The following PFKM variants were observed in gnomAD, a reference collection of about 807,000 sequenced individuals.
The protein encoded by PFKM is ATP-dependent 6-phosphofructokinase, muscle type.
PFKM carries 58 observed loss-of-function variants against 95.5 expected under a neutral mutation model. The ratio of observed to expected loss-of-function variants is 0.61; its 90% CI spans 0.49 to 0.76. PFKM has a LOEUF of 0.76. PFKM is among the 30% of genes least tolerant of loss of function. PFKM has a pLI of 0.00. For missense variants in PFKM, 678 were observed against 1,005.4 expected (o/e 0.67, Z 4.40); for synonymous variants, 336 against 357.2 (o/e 0.94, Z 0.67).
intron 10 of PFKM, among the ~76,000 whole-genome samples, chr12:48,135,719 C>G (rs1190313300): frequency 6.6e-6 from 1 of 152,040 alleles, no homozygotes; most frequent in Non-Finnish European, 1.5e-5. Context: ...ATACCCTTTG[C>G]CCAGTTTCTT....
chr12:48,130,524 C>T lies in PFKM; in HGVS notation c.159+88C>T. ...CCCCTTCCCACATTCTGTGTCCTTA[C>T]CTCCCAGTTAGTTACATTGCTGTGT... is the stretch of plus-strand genomic sequence containing the variant. On this transcript the variant is annotated intron_variant, in intron 3 of 22. Coordinates refer to ENST00000359794, the MANE Select transcript of PFKM (RefSeq NM_000289.6). 4 of 973,790 alleles carry T rather than the reference C, an allele frequency of 4.1e-6. No homozygotes were observed. The South Asian group carries it at 5.1e-5, about 12-fold the overall frequency. The allele number at this position is 973,790 out of a possible 1,614,324, so 60.3% of individuals were successfully genotyped here. A position where few individuals can be genotyped will look rare whatever the true frequency, so the allele number is the denominator to read the frequency against.
At chr12:48,143,071 C>T in intron 18 of PFKM, 125 bp downstream of exon 18, 1 of 881,596 alleles carries the variant, frequency 1.1e-6, no homozygotes, top group Non-Finnish European at 1.8e-6. Flanking sequence ...CCTGTGAAGA[C>T]CAGAAAGAGC....
At chr12:48,130,923 C>T (rs559376146) in intron 3 of PFKM, among the ~76,000 whole-genome samples, 155 of 152,274 alleles carry the variant, frequency 1.0e-3, no homozygotes, top group African/African-American at 3.6e-3. Context: ...ATTTTATAAT[C>T]TTTTAGAGCA....
intron 3 of PFKM, among the ~76,000 whole-genome samples, chr12:48,113,231 G>T (rs1947363064): frequency 6.6e-6 from 1 of 152,198 alleles, no homozygotes. Context: ...ACCCACAACA[G>T]TTATGGAGAC....
intron 3 of PFKM, among the ~76,000 whole-genome samples, chr12:48,130,938 G>A (rs928104093): frequency 1.1e-4 from 16 of 152,018 alleles, no homozygotes; most frequent in African/African-American, 3.1e-4. Flanking sequence ...AGAGCAAGTC[G>A]CGTTTCTTTC....
At position 48,131,401 on chromosome 12, in the gene PFKM, C is replaced by A; in HGVS notation, c.237+8C>A. 1 of 1,596,490 alleles carries A rather than the reference C, an allele frequency of 6.3e-7. No individual in the cohort carries two copies. Among genetic ancestry groups the A allele is most frequent in the South Asian group, 1.1e-5 (1 of 90,676 alleles). On this transcript the variant is annotated splice_region_variant and intron_variant, in intron 4 of 22. Transcript: ENST00000359794. ...TCGATGATGCTTCAGCTGGTATGTTCCAGAGAACTCCCTGTCCCATATTTG... is the reference window on the plus strand; with the variant it reads ...TCGATGATGCTTCAGCTGGTATGTTACAGAGAACTCCCTGTCCCATATTTG...
At chr12:48,109,315 CT>C in intron 3 of PFKM, among the ~76,000 whole-genome samples, 1 of 149,836 alleles carries the variant, frequency 6.7e-6, no homozygotes, top group African/African-American at 2.5e-5. Context: ...TCCTTCCTTC[CT>C]TCCTTCCTCC....
intron 3 of PFKM, among the ~76,000 whole-genome samples, chr12:48,110,980 C>T (rs1947134602): frequency 6.6e-6 from 1 of 152,162 alleles, no homozygotes; most frequent in Non-Finnish European, 1.5e-5. Flanking sequence ...AGGTGGTTAG[C>T]ATTTCAAGAT....
intron 18 of PFKM, 63 bp downstream of exon 18, chr12:48,143,009 A>G: frequency 6.7e-7 from 1 of 1,489,282 alleles, no homozygotes; most frequent in South Asian, 1.2e-5. Context: ...TTCCACAGTG[A>G]TCTGAACTAT....
intron 1 of PFKM, among the ~76,000 whole-genome samples, chr12:48,121,308 G>A (rs550117647): frequency 6.6e-6 from 1 of 152,356 alleles, no homozygotes; most frequent in Non-Finnish European, 1.5e-5. Context: ...TGACAATGGA[G>A]CAGAGAATCT....
At position 48,133,039 on chromosome 12, in the gene PFKM, A is replaced by G; in HGVS notation, c.409A>G (p.Ser137Gly). 6.2e-7 allele frequency: 1 copy of G among 1,614,128 alleles called. No homozygotes were observed. The highest frequency in any genetic ancestry group is 8.5e-7 in the Non-Finnish European group (1 of 1,179,974). ...TFRSEWSDLL[S>G]DLQKAGKITD... ...CCGTTCTGAGTGGAGTGACTTGTTG[A>G]GTGACCTCCAGAAAGCAGGTAAGAG... Residue 137 changes from serine (S) to glycine (G), a missense_variant, in exon 5 of 23, where the codon AGT becomes GGT. Coordinates refer to ENST00000359794, the MANE Select transcript of PFKM (RefSeq NM_000289.6).
In PFKM at chr12:48,145,371, T is replaced by A. The variant is rs1275224536; in HGVS notation, c.2198+56T>A. Reference sequence around the variant, plus strand: ...TTTCCCTGGTAGTTTCAAGCTCTACTGTCCTCAACCTGTTCACTGTCTTTA... The same window carrying A: ...TTTCCCTGGTAGTTTCAAGCTCTACAGTCCTCAACCTGTTCACTGTCTTTA... On this transcript the variant is annotated intron_variant, in intron 22 of 22. Transcript: ENST00000359794. This position sits in a 1 kb window ranked among gnomAD's most constrained non-coding sequence, Gnocchi z 4.3. 1 of 1,445,142 alleles carries A rather than the reference T, an allele frequency of 6.9e-7. No homozygotes were observed. The allele number at this position is 1,445,142 out of a possible 1,614,324, so 89.5% of individuals were successfully genotyped here.
intron 3 of PFKM, among the ~76,000 whole-genome samples, chr12:48,112,366 TAGG>T (rs2137604585): frequency 6.7e-6 from 1 of 148,486 alleles, no homozygotes; most frequent in African/African-American, 2.5e-5. Flanking sequence ...GATTGGGGTT[TAGG>T]AGATTTGCCA....
At chr12:48,128,505 G>A (rs1949086499) in intron 2 of PFKM, among the ~76,000 whole-genome samples, 1 of 152,096 alleles carries the variant, frequency 6.6e-6, no homozygotes, top group Non-Finnish European at 1.5e-5. Flanking sequence ...CTCTGTGGTG[G>A]TCATTGCTGT....
chr12:48,126,975 C>G (rs901243882), intron 2 of PFKM, among the ~76,000 whole-genome samples: 2 of 152,172 alleles, frequency 1.3e-5, no homozygotes, highest in Admixed American at 1.3e-4. Context: ...GTTTTGATGC[C>G]TTCAACTTAA....
chr12:48,106,738 C>T (rs1286650506), intron 1 of PFKM, among the ~76,000 whole-genome samples: 3 of 151,934 alleles, frequency 2.0e-5, no homozygotes, highest in Non-Finnish European at 4.4e-5. Context: ...AACTTGAGGA[C>T]GGATTAGGCT....
chr12:48,137,779 C>A lies in PFKM; in HGVS notation c.995C>A (p.Pro332Gln). ...CTTTTGGAGGGGACCCCAGATACCCCAGCCTGTGTAGTGAGCCTCTCTGGT... is the reference window on the plus strand; with the variant it reads ...CTTTTGGAGGGGACCCCAGATACCCAAGCCTGTGTAGTGAGCCTCTCTGGT... ...MALLEGTPDT[P>Q]ACVVSLSGNQ... The change falls in exon 11 of 23, where the codon CCA (proline) becomes CAA (glutamine). Residue 332 changes from proline (P) to glutamine (Q), a missense_variant. Physicochemically the swap from Pro to Gln is moderately conservative, Grantham distance 76. Coordinates refer to ENST00000359794, the MANE Select transcript of PFKM (RefSeq NM_000289.6). 1 of 1,614,146 alleles carries A rather than the reference C, an allele frequency of 6.2e-7. No individual in the cohort carries two copies.
At chr12:48,105,362 G>A, upstream of PFKM, 3 of 518,990 alleles carry the variant, frequency 5.8e-6, no homozygotes, top group South Asian at 2.8e-5. Flanking sequence ...CAGAGATCAC[G>A]TTAGGGTACA....
Position 48,133,364 on chromosome 12 carries a change from G to T in PFKM, c.477G>T (p.Val159=), listed in dbSNP as rs1409128392. The part of the protein sequence containing the change: ...EATKSSYLNI[V]GLVGSIDNDF... ...CGAAGTCCAGCTACCTGAACATTGT[G>T]GGCCTGGTTGGGTCAATTGACAATG... Residue 159 remains valine, a synonymous_variant, in exon 6 of 23, where the codon GTG becomes GTT. Coordinates refer to ENST00000359794, the MANE Select transcript of PFKM (RefSeq NM_000289.6). 3 of 1,613,988 alleles carry T rather than the reference G, an allele frequency of 1.9e-6. No homozygotes were observed. The Admixed American group carries it at 5.0e-5, about 27-fold the overall frequency.
Sources: gnomAD v4.1 joint callset for allele counts (sites outside exome capture counted in the v4.1 genomes callset) on GRCh38, gnomAD v4.1.1 for gene constraint, Gnocchi (gnomAD v3.1) non-coding constraint, MANE v1.5 for transcripts, NCBI Gene and HGNC (gene_info 2026-07-23, HGNC 2026-07-21) for gene names.